Variants in GFOD1 observed in about 807,000 individuals in gnomAD.
GFOD1 encodes Gfo/Idh/MocA-like oxidoreductase domain containing 1.
Under a neutral mutation model 25.4 loss-of-function variants are expected in GFOD1, and 9 were observed. The ratio of observed to expected loss-of-function variants is 0.35; its 90% confidence interval spans 0.21 to 0.62. GFOD1 has a LOEUF of 0.62. Among genes scored for constraint, GFOD1 ranks in the 20% least tolerant of loss-of-function variants. The pLI, the probability that GFOD1 is intolerant of heterozygous loss-of-function variation, is 0.72. For missense variants in GFOD1, 403 were observed against 556.9 expected (o/e 0.72, Z 2.78); for synonymous variants, 253 against 245.6 (o/e 1.03, Z -0.28).
intron 1 of GFOD1, among the ~76,000 whole-genome samples, chr6:13,391,871 A>G (rs1482585511): frequency 6.6e-6 from 1 of 152,170 alleles, no homozygotes; most frequent in Non-Finnish European, 1.5e-5. Context: ...AATTCTACCG[A>G]TGGTCATTTT....
chr6:13,469,708 T>C (rs1434474813), intron 1 of GFOD1: 11 of 1,183,166 alleles, frequency 9.3e-6, no homozygotes, highest in South Asian at 1.6e-5. Context: ...CTTTTAGACA[T>C]ATCTATATTT....
At chr6:13,404,638 A>G (rs1394651738) in intron 1 of GFOD1, among the ~76,000 whole-genome samples, 1 of 152,190 alleles carries the variant, frequency 6.6e-6, no homozygotes, top group Admixed American at 6.5e-5. Context: ...GGTATGAGCT[A>G]ACTGTTAGCC....
rs553849446 is a variant in GFOD1, at chr6:13,413,847, C to T, written c.254-48185G>A. On this transcript the variant is annotated intron_variant, in intron 1 of 1. Coordinates refer to ENST00000379287, the MANE Select transcript of GFOD1 (RefSeq NM_018988.4). ...TCAATCTCAAAGCTTAGTTTGGTTC[C>T]GTCCCTTGCACAGGTTAATGGGACC... is the stretch of plus-strand genomic sequence containing the variant. Among the ~76,000 whole-genome samples, 48 of 152,286 alleles carry T rather than the reference C, an allele frequency of 3.2e-4. No homozygotes were observed. In the South Asian group the frequency reaches 5.2e-3, roughly 16 times the overall value.
intron 1 of GFOD1, among the ~76,000 whole-genome samples, chr6:13,438,343 AC>A (rs1757865101): frequency 6.6e-6 from 1 of 152,234 alleles, no homozygotes; most frequent in African/African-American, 2.4e-5. Flanking sequence ...CAAGAAGGCA[AC>A]AAAAATGTTG....
intron 1 of GFOD1, among the ~76,000 whole-genome samples, chr6:13,400,755 C>T (rs111638051): frequency 1.3e-5 from 2 of 152,016 alleles, no homozygotes; most frequent in Admixed American, 6.6e-5. Flanking sequence ...TCTTGGGAGA[C>T]CAGAGACAAC....
chr6:13,482,153 TAATA>T (rs1214968427), intron 1 of GFOD1, among the ~76,000 whole-genome samples: 19 of 148,814 alleles, frequency 1.3e-4, no homozygotes, highest in African/African-American at 4.6e-4. Context: ...ATAAATATGT[TAATA>T]TATGTATATA....
Position 13,365,695 on chromosome 6 carries a change from GC to G in GFOD1, c.254-34del. ...TGGGAGGAAGACAGCGGTCAGCGGG[GC>G]AGGACCATGTCCGAGCGCGCGTCCC... is the stretch of plus-strand genomic sequence containing the variant. On this transcript the variant is annotated intron_variant, in intron 1 of 1. Coordinates refer to ENST00000379287, the MANE Select transcript of GFOD1 (RefSeq NM_018988.4). This position sits in a 1 kb window ranked among gnomAD's most constrained non-coding sequence, Gnocchi z 9.2. 1.4e-6 allele frequency: 2 copies of G among 1,472,478 alleles called. No individual in the cohort carries two copies. The highest frequency in any genetic ancestry group is 1.9e-6 in the Non-Finnish European group (2 of 1,069,882). 91.2% of individuals were successfully genotyped at this position (1,472,478 alleles called of 1,614,324 possible). A position where few individuals can be genotyped will look rare whatever the true frequency, so the allele number is the denominator to read the frequency against.
chr6:13,425,258 C>G (rs1786332043), intron 1 of GFOD1, among the ~76,000 whole-genome samples: 1 of 152,158 alleles, frequency 6.6e-6, no homozygotes, highest in Non-Finnish European at 1.5e-5. Flanking sequence ...CTGAGCCTGG[C>G]CTAACACATT....
intron 1 of GFOD1, among the ~76,000 whole-genome samples, chr6:13,438,756 T>C (rs1425725947): frequency 6.6e-6 from 1 of 152,092 alleles, no homozygotes; most frequent in Non-Finnish European, 1.5e-5. Flanking sequence ...CCAAACCTTC[T>C]GAGGTCTGAA....
At chr6:13,420,984 C>G (rs984538248) in intron 1 of GFOD1, among the ~76,000 whole-genome samples, 1 of 152,074 alleles carries the variant, frequency 6.6e-6, no homozygotes, top group East Asian at 1.9e-4. Flanking sequence ...CGAGGGGGAG[C>G]CACGAACCAC....
At chr6:13,390,854 G>T (rs893707536) in intron 1 of GFOD1, among the ~76,000 whole-genome samples, 1 of 150,368 alleles carries the variant, frequency 6.7e-6, no homozygotes, top group Admixed American at 6.7e-5. Flanking sequence ...ACCTCAAAAG[G>T]TTGTTATGAG....
intron 1 of GFOD1, among the ~76,000 whole-genome samples, chr6:13,476,612 T>A (rs1418947674): frequency 1.3e-5 from 2 of 152,218 alleles, no homozygotes; most frequent in Admixed American, 6.5e-5. Context: ...GTTATTTTTT[T>A]AAAAAGTAGT....
chr6:13,413,612 G>A (rs569556174), intron 1 of GFOD1, among the ~76,000 whole-genome samples: 27 of 152,266 alleles, frequency 1.8e-4, no homozygotes, highest in African/African-American at 6.3e-4. Flanking sequence ...AAGAATGTAT[G>A]AGCATTCCCT....
intron 1 of GFOD1, among the ~76,000 whole-genome samples, chr6:13,432,647 C>T (rs1431375405): frequency 6.6e-6 from 1 of 152,180 alleles, no homozygotes; most frequent in African/African-American, 2.4e-5. Context: ...AAGAAAGTAA[C>T]CCCATCCAGT....
intron 1 of GFOD1, among the ~76,000 whole-genome samples, chr6:13,374,112 T>C (rs1785203389): frequency 6.6e-6 from 1 of 152,194 alleles, no homozygotes; most frequent in Admixed American, 6.5e-5. Flanking sequence ...ACCAGGTACT[T>C]GTCCTGTTCC....
At chr6:13,407,172 A>G (rs1785961993) in intron 1 of GFOD1, among the ~76,000 whole-genome samples, 1 of 152,244 alleles carries the variant, frequency 6.6e-6, no homozygotes, top group African/African-American at 2.4e-5. Context: ...TGGATCCCAA[A>G]CACTATAGAG....
intron 1 of GFOD1, among the ~76,000 whole-genome samples, chr6:13,389,492 T>C (rs1785540762): frequency 6.6e-6 from 1 of 151,870 alleles, no homozygotes; most frequent in African/African-American, 2.4e-5. Context: ...AAACCATCAT[T>C]CTCAGCAAAC....
intron 1 of GFOD1, among the ~76,000 whole-genome samples, chr6:13,409,213 AAG>A (rs147140485): frequency 0.27 from 15,814 of 57,646 alleles, 4,413 homozygotes; most frequent in Non-Finnish European, 0.51. Flanking sequence ...GAAAGAAGGA[AAG>A]AGAGAGAGAG....
chr6:13,382,318 G>A (rs951123331), intron 1 of GFOD1, among the ~76,000 whole-genome samples: 2 of 149,194 alleles, frequency 1.3e-5, no homozygotes, highest in African/African-American at 5.0e-5. Context: ...GGTATCATGG[G>A]AGGGACCCAG....
Sources: allele counts gnomAD v4.1 joint callset (sites outside exome capture counted in the v4.1 genomes callset), GRCh38; gene constraint gnomAD v4.1.1; non-coding constraint Gnocchi (gnomAD v3.1); transcripts MANE v1.5; gene names NCBI Gene and HGNC (gene_info 2026-07-23, HGNC 2026-07-21).